C2CD3: variants seen among roughly 807,000 people sequenced by gnomAD.
C2CD3 encodes the protein C2 domain-containing protein 3.
Under a neutral mutation model 234.0 loss-of-function variants are expected in C2CD3, and 148 were observed. That is an observed-to-expected ratio of 0.63 (90% CI 0.55 to 0.72). The LOEUF (loss-of-function observed/expected upper bound fraction) is 0.72. Ranked by LOEUF, C2CD3 falls within the 30% of genes least tolerant of loss-of-function variation. The pLI, the probability that C2CD3 is intolerant of heterozygous loss-of-function variation, is 0.00. For synonymous variants in C2CD3, 1,000 were observed against 1,035.4 expected, an observed-to-expected ratio of 0.97 and a Z score of 0.66; for missense variants, 2,577 against 2,811.5, an observed-to-expected ratio of 0.92 and a Z score of 1.89.
intron 31 of C2CD3, among the ~76,000 whole-genome samples, chr11:74,030,011 C>T (rs1180360228): frequency 1.3e-5 from 2 of 152,192 alleles, no homozygotes; most frequent in Non-Finnish European, 2.9e-5. Flanking sequence ...CCACCTTGGC[C>T]TCCCAAAATG....
intron 23 of C2CD3, among the ~76,000 whole-genome samples, chr11:74,075,974 A>G (rs892944139): frequency 7.9e-5 from 12 of 152,378 alleles, no homozygotes; most frequent in African/African-American, 2.6e-4. Context: ...CTGAAAAGCT[A>G]AATACTACCT....
intron 32 of C2CD3, among the ~76,000 whole-genome samples, chr11:74,015,961 C>T (rs1354559706): frequency 6.6e-6 from 1 of 151,910 alleles, no homozygotes; most frequent in Non-Finnish European, 1.5e-5. Flanking sequence ...CCTGTGGTCC[C>T]AGCTACTCAG....
chr11:74,044,143 C>G (rs1170497456), intron 28 of C2CD3, among the ~76,000 whole-genome samples: 1 of 152,020 alleles, frequency 6.6e-6, no homozygotes, highest in East Asian at 2.0e-4. Flanking sequence ...CACCCAGTCC[C>G]CTTTATATGT....
At position 74,078,607 on chromosome 11, in the gene C2CD3, G is replaced by A. The variant is rs747930351; in HGVS notation, c.4111C>T (p.His1371Tyr). 1.2e-6 allele frequency: 2 copies of A among 1,614,184 alleles called. No individual in the cohort carries two copies. Among genetic ancestry groups the A allele is most frequent in the East Asian group, 4.5e-5 (2 of 44,890 alleles). The change falls in exon 23 of 33, where the codon CAT (histidine) becomes TAT (tyrosine). Residue 1371 changes from histidine to tyrosine, a missense_variant. His to Tyr is a moderately conservative substitution (Grantham distance 83). Transcript: ENST00000334126. ...AACACCCGTTCTCTATCTCCACGAT[G>A]CGTGAAGGAAATCGAAAGCTCCAGA... is the stretch of plus-strand genomic sequence containing the variant. ...GGLELSISFT[H>Y]RGDRERVLEA... is the part of the protein sequence containing the mutation.
At chr11:74,123,827 C>T (rs1016244043) in intron 7 of C2CD3, among the ~76,000 whole-genome samples, 1 of 150,610 alleles carries the variant, frequency 6.6e-6, no homozygotes, top group East Asian at 1.9e-4. Context: ...CAACCTCTGC[C>T]TCCTGGGTTC....
At chr11:74,085,579 T>C (rs1955603740) in intron 21 of C2CD3, 39 bp downstream of exon 21, 2 of 1,607,188 alleles carry the variant, frequency 1.2e-6, no homozygotes, top group East Asian at 4.5e-5. Flanking sequence ...CAATGCAGCC[T>C]CTTTTAATTT....
chr11:74,071,667 A>T (rs570555033), intron 24 of C2CD3, among the ~76,000 whole-genome samples: 3 of 152,332 alleles, frequency 2.0e-5, no homozygotes, highest in South Asian at 4.1e-4. Flanking sequence ...GGCAAGAGGT[A>T]TTTCAGATTT....
At chr11:74,123,881 G>A (rs1472033985) in intron 7 of C2CD3, among the ~76,000 whole-genome samples, 3 of 151,902 alleles carry the variant, frequency 2.0e-5, no homozygotes, top group Non-Finnish European at 2.9e-5. Context: ...TGGGATTATA[G>A]GTGCCTGCCA....
chr11:74,094,421 G>C (rs1191064900), intron 17 of C2CD3, among the ~76,000 whole-genome samples: 1 of 152,050 alleles, frequency 6.6e-6, no homozygotes, highest in African/African-American at 2.4e-5. Context: ...TATATATTCT[G>C]TATATACAAA....
chr11:74,170,866 C>T lies in C2CD3; in HGVS notation c.-74G>A. The T allele has an allele frequency of 6.2e-7, 1 of 1,603,058 alleles. No homozygotes were observed. The highest frequency in any genetic ancestry group is 8.5e-7 in the Non-Finnish European group (1 of 1,174,864). On this transcript the variant is annotated 5_prime_UTR_variant, in exon 1 of 33. Coordinates refer to ENST00000334126, the MANE Select transcript of C2CD3 (RefSeq NM_001286577.2). ...AAGCAGTATCCTCCCGCCATCCCTC[C>T]CCACGGCGCCTGCGTTCCCCGGCAA...
chr11:74,106,312 C>G (rs1249348431), intron 13 of C2CD3, 59 bp downstream of exon 13: 2 of 1,574,528 alleles, frequency 1.3e-6, no homozygotes, highest in Non-Finnish European at 1.7e-6. Flanking sequence ...ATCCTCAGTG[C>G]CAGCCAATAA....
In C2CD3 at chr11:74,123,004, A is replaced by G. The variant is rs147117792; in HGVS notation, c.1349T>C (p.Leu450Ser). ...PQYDQSLLEN[L>S]FYTAPKSDTS... ...GTGACTTACAGGTGCTGTATAAAAT[A>G]AATTCTCCAGAAGACTCTGGTCATA... Residue 450 changes from leucine to serine, a missense_variant, in exon 8 of 33, where the codon TTA becomes TCA. Coordinates refer to ENST00000334126, the MANE Select transcript of C2CD3 (RefSeq NM_001286577.2). 1.4e-5 allele frequency: 22 copies of G among 1,613,392 alleles called. No homozygotes were observed. In the African/African-American group the frequency reaches 2.7e-4, roughly 20 times the overall value.
At chr11:74,096,967 T>C (rs1330719327) in intron 16 of C2CD3, among the ~76,000 whole-genome samples, 1 of 151,970 alleles carries the variant, frequency 6.6e-6, no homozygotes, top group African/African-American at 2.4e-5. Context: ...CTGGGCAATA[T>C]GGTGAAATCC....
chr11:74,115,006 A>T (rs575897193), intron 9 of C2CD3, among the ~76,000 whole-genome samples: 1 of 152,094 alleles, frequency 6.6e-6, no homozygotes, highest in East Asian at 1.9e-4. Context: ...CCAGCCAAGT[A>T]TCTTGACTCA....
intron 24 of C2CD3, among the ~76,000 whole-genome samples, chr11:74,069,866 T>G (rs1298118680): frequency 6.6e-6 from 1 of 152,194 alleles, no homozygotes; most frequent in East Asian, 1.9e-4. Flanking sequence ...AGCTGACACC[T>G]CCTCTGTGTC....
At position 74,104,743 on chromosome 11, in the gene C2CD3, GT is replaced by G. The variant is rs560876224; in HGVS notation, c.2086-1119del. Among the ~76,000 whole-genome samples the G allele has an allele frequency of 3.2e-3, 493 of 152,270 alleles. 3 individuals carry two copies. The Middle Eastern group carries it at 0.034, about 11-fold the overall frequency. On this transcript the variant is annotated intron_variant, in intron 13 of 32. Transcript: ENST00000334126. Reference sequence around the variant, plus strand: ...GAGACTCAATTACTAGGGGTAAAAGGTTCTTGCTGTTTCTTCGATCTGAAAT... The same window carrying G: ...GAGACTCAATTACTAGGGGTAAAAGGTCTTGCTGTTTCTTCGATCTGAAAT...
intron 11 of C2CD3, chr11:74,113,531 T>C (rs1285672529): frequency 4.7e-6 from 2 of 427,930 alleles, no homozygotes; most frequent in Non-Finnish European, 8.7e-6. Context: ...AATACAAAAA[T>C]TAGCTGGGTG....
intron 32 of C2CD3, among the ~76,000 whole-genome samples, chr11:74,026,473 C>A (rs1333699700): frequency 6.6e-6 from 1 of 152,026 alleles, no homozygotes; most frequent in Non-Finnish European, 1.5e-5. Flanking sequence ...GGATTGTATC[C>A]CAGGACTATA....
intron 28 of C2CD3, among the ~76,000 whole-genome samples, chr11:74,046,938 G>A (rs547241360): frequency 6.6e-6 from 1 of 152,278 alleles, no homozygotes; most frequent in South Asian, 2.1e-4. Flanking sequence ...GTGAGCTAAT[G>A]TATATAAAGT....
Sources: allele counts gnomAD v4.1 joint callset (sites outside exome capture counted in the v4.1 genomes callset), GRCh38; gene constraint gnomAD v4.1.1; transcripts MANE v1.5; gene names NCBI Gene and HGNC (gene_info 2026-07-23, HGNC 2026-07-21).